Variants in LHFPL2 observed in about 807,000 individuals in gnomAD.
The protein encoded by LHFPL2 is LHFPL tetraspan subfamily member 2, also known as LHFPL tetraspan subfamily member 2 protein.
A neutral mutation model predicts 17.5 loss-of-function variants in LHFPL2; 7 were observed. The ratio of observed to expected loss-of-function variants is 0.40; its 90% CI spans 0.23 to 0.75. LHFPL2 has a LOEUF of 0.75. Ranked by LOEUF, LHFPL2 falls within the 30% of genes least tolerant of loss-of-function variation. The probability of loss-of-function intolerance (pLI) is 0.37; values close to 1 mark genes in which losing one functional copy is unlikely to be tolerated. For synonymous variants in LHFPL2, 134 were observed against 116.2 expected (o/e 1.15, Z -0.99); for missense variants, 241 against 294.8 (o/e 0.82, Z 1.34).
At chr5:78,598,779 G>C (rs1263480666) in intron 2 of LHFPL2, among the ~76,000 whole-genome samples, 1 of 152,178 alleles carries the variant, frequency 6.6e-6, no homozygotes, top group African/African-American at 2.4e-5. Flanking sequence ...GCTTTTCAAA[G>C]TATTCTCAAA....
chr5:78,510,380 G>T lies in LHFPL2; in HGVS notation c.-167C>A. 1.4e-6 allele frequency: 1 copy of T among 691,002 alleles called. No individual in the cohort carries two copies. The highest frequency in any genetic ancestry group is 2.4e-6 in the Non-Finnish European group (1 of 423,358). 42.8% of individuals were successfully genotyped at this position (691,002 alleles called of 1,614,324 possible). On this transcript the variant is annotated 5_prime_UTR_variant, in exon 4 of 5. Coordinates refer to ENST00000380345, the MANE Select transcript of LHFPL2 (RefSeq NM_005779.3). ...TGGGGACAGCGCTCCCGGACCCAGAGCACCGCCTGCGGCCTCACCTAGGGG... is the reference window on the plus strand; with the variant it reads ...TGGGGACAGCGCTCCCGGACCCAGATCACCGCCTGCGGCCTCACCTAGGGG...
At chr5:78,593,071 C>T (rs1050221825) in intron 2 of LHFPL2, among the ~76,000 whole-genome samples, 6 of 152,106 alleles carry the variant, frequency 3.9e-5, no homozygotes, top group East Asian at 3.8e-4. Flanking sequence ...TGGCAACTCG[C>T]GCATAATCTC....
At chr5:78,521,484 C>T (rs928468275) in intron 3 of LHFPL2, among the ~76,000 whole-genome samples, 1 of 152,178 alleles carries the variant, frequency 6.6e-6, no homozygotes, top group African/African-American at 2.4e-5. Context: ...AAGTGATTTG[C>T]AATTTTATTT....
At chr5:78,572,406 A>C (rs1475451551) in intron 2 of LHFPL2, among the ~76,000 whole-genome samples, 2 of 151,824 alleles carry the variant, frequency 1.3e-5, no homozygotes, top group Non-Finnish European at 2.9e-5. Flanking sequence ...AATTCTACAA[A>C]GTACATTTTA....
At chr5:78,645,909 G>A (rs1197388097) in intron 1 of LHFPL2, among the ~76,000 whole-genome samples, 1 of 152,146 alleles carries the variant, frequency 6.6e-6, no homozygotes, top group Non-Finnish European at 1.5e-5. Context: ...AAGCTTTTTG[G>A]AGTAAATTCT....
chr5:78,531,864 C>T (rs1255969130), intron 3 of LHFPL2, among the ~76,000 whole-genome samples: 1 of 151,952 alleles, frequency 6.6e-6, no homozygotes, highest in South Asian at 2.1e-4. Flanking sequence ...TGGGCTCAAG[C>T]GATCCTCCTA....
At chr5:78,550,238 C>T (rs999886738) in intron 3 of LHFPL2, among the ~76,000 whole-genome samples, 2 of 152,278 alleles carry the variant, frequency 1.3e-5, no homozygotes, top group Non-Finnish European at 2.9e-5. Flanking sequence ...AAGGCTCATC[C>T]ATCTTCACAA....
chr5:78,531,389 A>G (rs1755779946), intron 3 of LHFPL2, among the ~76,000 whole-genome samples: 2 of 147,718 alleles, frequency 1.4e-5, no homozygotes. Flanking sequence ...CACTCACTCC[A>G]GGCTGGGCAA....
At chr5:78,567,977 G>A (rs1431001328) in intron 2 of LHFPL2, among the ~76,000 whole-genome samples, 2 of 142,686 alleles carry the variant, frequency 1.4e-5, no homozygotes, top group Non-Finnish European at 3.2e-5. Flanking sequence ...TATAATCAAC[G>A]TGTAAAACTC....
At chr5:78,511,256 A>G (rs961536508) in intron 3 of LHFPL2, among the ~76,000 whole-genome samples, 1 of 152,210 alleles carries the variant, frequency 6.6e-6, no homozygotes, top group Non-Finnish European at 1.5e-5. Flanking sequence ...AATTGTCCCA[A>G]TTCATCCCAT....
At chr5:78,606,044 CTCCTATGCAGA>C (rs1179586128) in intron 2 of LHFPL2, among the ~76,000 whole-genome samples, 1 of 152,202 alleles carries the variant, frequency 6.6e-6, no homozygotes, top group African/African-American at 2.4e-5. Flanking sequence ...AAATTCTGTG[CTCCTATGCAGA>C]GCTCAATTTG....
intron 2 of LHFPL2, among the ~76,000 whole-genome samples, chr5:78,606,952 C>T (rs114042161): frequency 0.02 from 2,984 of 151,954 alleles, 87 homozygotes; most frequent in African/African-American, 0.067. Flanking sequence ...ACTAGGATTA[C>T]AGGCATGAGC....
intron 2 of LHFPL2, among the ~76,000 whole-genome samples, chr5:78,607,653 C>G (rs958184273): frequency 2.0e-5 from 3 of 152,146 alleles, no homozygotes; most frequent in Non-Finnish European, 4.4e-5. Flanking sequence ...GTTACTGACC[C>G]CAATCTTTCC....
At chr5:78,508,789 G>A (rs1437166530) in intron 4 of LHFPL2, among the ~76,000 whole-genome samples, 5 of 152,186 alleles carry the variant, frequency 3.3e-5, no homozygotes, top group Non-Finnish European at 7.3e-5. Context: ...TTGTAGGTGG[G>A]TAACTTTGTC....
chr5:78,571,465 G>A (rs1468820868), intron 2 of LHFPL2, among the ~76,000 whole-genome samples: 1 of 151,924 alleles, frequency 6.6e-6, no homozygotes, highest in Admixed American at 6.6e-5. Context: ...GAGTGGTAGG[G>A]GTCACATCCA....
intron 2 of LHFPL2, among the ~76,000 whole-genome samples, chr5:78,584,879 C>A (rs533346389): frequency 1.3e-5 from 2 of 152,156 alleles, no homozygotes; most frequent in Non-Finnish European, 2.9e-5. Context: ...ACCCCTCCCC[C>A]AGCCTCGCTG....
chr5:78,494,654 ATAGC>A, intron 4 of LHFPL2: 1 of 296,722 alleles, frequency 3.4e-6, no homozygotes, highest in Non-Finnish European at 5.0e-6. Context: ...TTGTATTGGG[ATAGC>A]TGGTGCTCGC....
chr5:78,622,343 G>A (rs1055378049), intron 2 of LHFPL2, among the ~76,000 whole-genome samples: 2 of 152,196 alleles, frequency 1.3e-5, no homozygotes, highest in South Asian at 2.1e-4. Context: ...CGATAGCAGC[G>A]CCAATGACTA....
chr5:78,574,126 AT>A (rs1417327915), intron 2 of LHFPL2, among the ~76,000 whole-genome samples: 1 of 152,236 alleles, frequency 6.6e-6, no homozygotes, highest in Non-Finnish European at 1.5e-5. Flanking sequence ...ATGAAGCATT[AT>A]TTACATAATG....
Sources: gnomAD v4.1 joint callset for allele counts (sites outside exome capture counted in the v4.1 genomes callset) on GRCh38, gnomAD v4.1.1 for gene constraint, MANE v1.5 for transcripts, NCBI Gene and HGNC (gene_info 2026-07-23, HGNC 2026-07-21) for gene names.